BCAS3: variants seen among roughly 807,000 people sequenced by gnomAD.
BCAS3 encodes BCAS3 microtubule associated cell migration factor.
BCAS3 carries 53 observed loss-of-function variants against 116.1 expected under a neutral mutation model. The observed-to-expected ratio is 0.46, with a 90% CI of 0.37 to 0.57. The LOEUF is 0.57. BCAS3 is among the 20% of genes least tolerant of loss of function. BCAS3 has a pLI of 0.00. For synonymous variants in BCAS3, 391 were observed against 408.2 expected, an observed-to-expected ratio of 0.96 and a Z score of 0.51; for missense variants, 917 against 1,165.4, an observed-to-expected ratio of 0.79 and a Z score of 3.10.
At chr17:60,849,246 A>G (rs1452159229) in intron 7 of BCAS3, among the ~76,000 whole-genome samples, 1 of 151,748 alleles carries the variant, frequency 6.6e-6, no homozygotes, top group Non-Finnish European at 1.5e-5. Flanking sequence ...TTGAAATAAC[A>G]TGTAATTTCA....
rs1029249808 is a variant in BCAS3, at chr17:61,007,564, T to C, written c.1487-8187T>C. ...TTATTGGAGTATTCGTACATAAATA[T>C]ATACAGTTTCAATTCTCCTGAAAGT... On this transcript the variant is annotated intron_variant, in intron 15 of 23. Coordinates refer to ENST00000407086, the MANE Select transcript of BCAS3 (RefSeq NM_017679.5). The surrounding 1 kb of genome is among the most constrained non-coding windows in gnomAD (Gnocchi z 4.3). 2.0e-5 allele frequency among the ~76,000 whole-genome samples: 3 copies of C among 152,046 alleles called. No individual in the cohort carries two copies. The highest frequency in any genetic ancestry group is 2.9e-5 in the Non-Finnish European group (2 of 67,982).
chr17:61,236,293 T>C lies in BCAS3; in HGVS notation c.2426-132034T>C, dbSNP rs150043642. Among the ~76,000 whole-genome samples the C allele has an allele frequency of 3.7e-4, 57 of 152,304 alleles. No homozygotes were observed. The East Asian group carries it at 0.011, about 28-fold the overall frequency. ...TTCTTCTTAGATCTTATGTTGGAGA[T>C]AATAATTTTTATTTATTCGTTACTT... is the stretch of plus-strand genomic sequence containing the variant. On this transcript the variant is annotated intron_variant, in intron 22 of 23. Coordinates refer to ENST00000407086, the MANE Select transcript of BCAS3 (RefSeq NM_017679.5).
At chr17:60,747,397 C>T in intron 6 of BCAS3, 118 bp downstream of exon 6, 1 of 739,878 alleles carries the variant, frequency 1.4e-6, no homozygotes, top group South Asian at 1.9e-5. Context: ...GTCCATTCCC[C>T]TTCCCCACCT....
intron 7 of BCAS3, among the ~76,000 whole-genome samples, chr17:60,828,567 G>A (rs1174029462): frequency 6.6e-6 from 1 of 152,096 alleles, no homozygotes. Flanking sequence ...AGACTATATG[G>A]ATATAATTTA....
chr17:61,278,018 C>T lies in BCAS3; in HGVS notation c.2426-90309C>T, dbSNP rs1264546501. Reference sequence around the variant, plus strand: ...CCCAAAAGAAATGAAAACATACCCACACAAAAAATGGTTTGTTTTGTTTTG... The same window carrying T: ...CCCAAAAGAAATGAAAACATACCCATACAAAAAATGGTTTGTTTTGTTTTG... On this transcript the variant is annotated intron_variant, in intron 22 of 23. Transcript: ENST00000407086. The surrounding 1 kb of genome is among the most constrained non-coding windows in gnomAD (Gnocchi z 5.8). 6.6e-6 allele frequency among the ~76,000 whole-genome samples: 1 copy of T among 152,108 alleles called. No individual in the cohort carries two copies. Among genetic ancestry groups the T allele is most frequent in the Non-Finnish European group, 1.5e-5 (1 of 68,020 alleles).
intron 6 of BCAS3, among the ~76,000 whole-genome samples, chr17:60,753,340 G>A (rs935415199): frequency 6.0e-5 from 9 of 151,064 alleles, no homozygotes; most frequent in Non-Finnish European, 1.2e-4. Context: ...GACTTTTCTT[G>A]AAAGTTTAAT....
intron 6 of BCAS3, among the ~76,000 whole-genome samples, chr17:60,798,651 G>A (rs765332190): frequency 6.6e-6 from 1 of 152,226 alleles, no homozygotes; most frequent in African/African-American, 2.4e-5. Context: ...TAAACATTGT[G>A]TGCAGGTTTT....
chr17:60,726,997 A>G lies in BCAS3; in HGVS notation c.321+17672A>G, dbSNP rs944739226. 2.0e-4 allele frequency among the ~76,000 whole-genome samples: 31 copies of G among 152,288 alleles called. 1 individual carries two copies. In the South Asian group the frequency reaches 3.1e-3, roughly 15 times the overall value. On this transcript the variant is annotated intron_variant, in intron 5 of 23. Transcript: ENST00000407086. ...TTTACACTTGAAAAAATTAAGGGCT[A>G]TATTTAACTAGGTCAAGTTCTTTAA...
chr17:60,921,630 A>AC (rs1484172688), intron 12 of BCAS3, among the ~76,000 whole-genome samples: 1 of 143,300 alleles, frequency 7.0e-6, no homozygotes, highest in Non-Finnish European at 1.5e-5. Context: ...AAAAAAAAAA[A>AC]AAAAAACATT....
chr17:60,720,255 G>A (rs868152498), intron 5 of BCAS3: 3 of 152,174 alleles, frequency 2.0e-5, no homozygotes, highest in Non-Finnish European at 1.5e-5. Context: ...AGCCTCCCGA[G>A]TAGCTGGGAC....
Position 60,842,163 on chromosome 17 carries a change from C to T in BCAS3, c.477-26413C>T, listed in dbSNP as rs181300815. 4.6e-3 allele frequency among the ~76,000 whole-genome samples: 706 copies of T among 151,970 alleles called. 2 individuals carry two copies. Among genetic ancestry groups the T allele is most frequent in the Admixed American group, 7.0e-3 (107 of 15,254 alleles). ...AGTTACTTTTAGATTTTTTGATATC[C>T]TTTTCTGCTTTGGAACTAATTTTTT... On this transcript the variant is annotated intron_variant, in intron 7 of 23. Transcript: ENST00000407086.
rs900085313 is a variant in BCAS3 at position 61,300,177 on chromosome 17, A to G, written c.2426-68150A>G. On this transcript the variant is annotated intron_variant, in intron 22 of 23. Coordinates refer to ENST00000407086, the MANE Select transcript of BCAS3 (RefSeq NM_017679.5). The surrounding 1 kb of genome is among the most constrained non-coding windows in gnomAD (Gnocchi z 5.1). ...AGAAGTAAATACAGCTTATACTGAAAGGACAAAACAGCCAGCCAGTCTTCT... is the reference window on the plus strand; with the variant it reads ...AGAAGTAAATACAGCTTATACTGAAGGGACAAAACAGCCAGCCAGTCTTCT... Among the ~76,000 whole-genome samples, 2 of 152,188 alleles carry G rather than the reference A, an allele frequency of 1.3e-5. No individual in the cohort carries two copies. The highest frequency in any genetic ancestry group is 2.9e-5 in the Non-Finnish European group (2 of 68,036).
In BCAS3 at chr17:61,073,913, A is replaced by T. The variant is rs963078564; in HGVS notation, c.2030-1007A>T. Among the ~76,000 whole-genome samples the T allele has an allele frequency of 6.6e-6, 1 of 152,004 alleles. No homozygotes were observed. The highest frequency in any genetic ancestry group is 1.5e-5 in the Non-Finnish European group (1 of 67,996). On this transcript the variant is annotated intron_variant, in intron 19 of 23. Transcript: ENST00000407086. The surrounding 1 kb of genome is among the most constrained non-coding windows in gnomAD (Gnocchi z 4.6). ...CACTTGAGGCCAGGAGTTTGACACC[A>T]GCCTGGTCAACATTGTGAGATCCTG...
intron 7 of BCAS3, among the ~76,000 whole-genome samples, chr17:60,861,473 G>T (rs1275094822): frequency 6.6e-6 from 1 of 152,130 alleles, no homozygotes; most frequent in African/African-American, 2.4e-5. Flanking sequence ...CTATTTGGAT[G>T]CCTTTTATTT....
At chr17:60,807,469 C>T (rs2048379391) in intron 6 of BCAS3, among the ~76,000 whole-genome samples, 1 of 151,854 alleles carries the variant, frequency 6.6e-6, no homozygotes, top group African/African-American at 2.4e-5. Context: ...GAAATTGGTG[C>T]CAATTGAAAC....
intron 15 of BCAS3, among the ~76,000 whole-genome samples, chr17:60,998,114 G>A (rs1195036474): frequency 6.6e-6 from 1 of 152,164 alleles, no homozygotes; most frequent in Non-Finnish European, 1.5e-5. Flanking sequence ...TTCTGTTTCT[G>A]TGTTAATTTA....
chr17:60,939,970 A>G (rs1171533276), intron 13 of BCAS3, among the ~76,000 whole-genome samples: 5 of 152,236 alleles, frequency 3.3e-5, no homozygotes. Flanking sequence ...TAGAATGCTT[A>G]ATATGAAAAC....
At chr17:60,930,417 G>A (rs985301974) in intron 13 of BCAS3, among the ~76,000 whole-genome samples, 2 of 152,160 alleles carry the variant, frequency 1.3e-5, no homozygotes, top group Admixed American at 1.3e-4. Flanking sequence ...GTTTGTCACT[G>A]TTACACTTAA....
At chr17:61,101,799 C>T (rs1360980494) in intron 22 of BCAS3, among the ~76,000 whole-genome samples, 2 of 152,174 alleles carry the variant, frequency 1.3e-5, no homozygotes, top group African/African-American at 4.8e-5. Flanking sequence ...TAATATTTGG[C>T]TTTTTAATAA....
Sources: allele counts gnomAD v4.1 joint callset (sites outside exome capture counted in the v4.1 genomes callset), GRCh38; gene constraint gnomAD v4.1.1; non-coding constraint Gnocchi (gnomAD v3.1); transcripts MANE v1.5; gene names NCBI Gene and HGNC (gene_info 2026-07-23, HGNC 2026-07-21).